The following PTPRE variants were observed in gnomAD, a reference collection of about 807,000 sequenced individuals.
PTPRE encodes receptor-type tyrosine-protein phosphatase epsilon.
In PTPRE, 51 loss-of-function variants were observed where a neutral mutation model predicts 102.0. That is an observed-to-expected ratio of 0.50 (90% CI 0.40 to 0.63). The LOEUF (loss-of-function observed/expected upper bound fraction) is 0.63, where lower values mean the gene tolerates loss of function less well. Ranked by LOEUF, PTPRE falls within the 30% of genes least tolerant of loss-of-function variation. The probability of loss-of-function intolerance (pLI) is 0.00; values close to 1 mark genes in which losing one functional copy is unlikely to be tolerated. For missense variants in PTPRE, 752 were observed against 915.1 expected (o/e 0.82, Z 2.30); for synonymous variants, 345 against 348.2 (o/e 0.99, Z 0.10).
At chr10:127,988,629 A>G (rs931966330) in intron 2 of PTPRE, among the ~76,000 whole-genome samples, 2 of 152,168 alleles carry the variant, frequency 1.3e-5, no homozygotes, top group African/African-American at 2.4e-5. Context: ...AAAGCTGCTC[A>G]TACACATGAA....
intron 11 of PTPRE, among the ~76,000 whole-genome samples, chr10:128,067,709 C>T (rs1850386974): frequency 6.6e-6 from 1 of 152,232 alleles, no homozygotes; most frequent in African/African-American, 2.4e-5. Context: ...ATCATCTGTC[C>T]TCCCAAATGT....
At chr10:127,964,166 G>GTTTA (rs1019373890) in intron 1 of PTPRE, among the ~76,000 whole-genome samples, 38 of 152,014 alleles carry the variant, frequency 2.5e-4, no homozygotes, top group African/African-American at 5.5e-4. Flanking sequence ...TTTATTTATT[G>GTTTA]TTTATTTATT....
intron 2 of PTPRE, among the ~76,000 whole-genome samples, chr10:128,014,009 C>T (rs550602932): frequency 2.0e-5 from 3 of 152,310 alleles, no homozygotes; most frequent in South Asian, 4.1e-4. Context: ...TGTGCCCCTA[C>T]CTCTGCCATT....
chr10:127,951,778 G>A (rs1482751511), intron 1 of PTPRE, among the ~76,000 whole-genome samples: 1 of 152,236 alleles, frequency 6.6e-6, no homozygotes, highest in African/African-American at 2.4e-5. Flanking sequence ...GCAGAGATTA[G>A]TGCCACCATC....
intron 1 of PTPRE, among the ~76,000 whole-genome samples, chr10:127,953,864 T>G (rs950533808): frequency 6.6e-6 from 1 of 152,172 alleles, no homozygotes; most frequent in African/African-American, 2.4e-5. Context: ...GCACTTTGCT[T>G]GGAAGGAGAA....
intron 1 of PTPRE, among the ~76,000 whole-genome samples, chr10:127,968,260 T>C (rs1327562): frequency 0.093 from 14,151 of 152,214 alleles, 744 homozygotes; most frequent in South Asian, 0.14. Context: ...ACTCCAGGCT[T>C]GAGTAAACAA....
rs1476869011 is a variant in PTPRE, at chr10:127,985,267, G to A, written c.-8+2971G>A. 2.6e-5 allele frequency among the ~76,000 whole-genome samples: 4 copies of A among 152,340 alleles called. No homozygotes were observed. In the East Asian group the frequency reaches 7.7e-4, roughly 29 times the overall value. ...TGTGATGTGACATTTAAGTGAGATG[G>A]CCCAAAGTAAGCATTTAATAAAAGC... On this transcript the variant is annotated intron_variant, in intron 2 of 20. Coordinates refer to ENST00000254667, the MANE Select transcript of PTPRE (RefSeq NM_006504.6).
In PTPRE at chr10:127,995,841, ACACACACACACACACG is replaced by A. The variant is rs146745483; in HGVS notation, c.-8+13549_-8+13564del. ...TACACGAGCACACACACACACACAC[ACACACACACACACACG>A]CACGCAAAGTATTGGAGACCACCTT... On this transcript the variant is annotated intron_variant, in intron 2 of 20. Coordinates refer to ENST00000254667, the MANE Select transcript of PTPRE (RefSeq NM_006504.6). 9.2e-3 allele frequency among the ~76,000 whole-genome samples: 1,400 copies of A among 152,004 alleles called. 26 individuals are homozygous for A. Among genetic ancestry groups the A allele is most frequent in the African/African-American group, 0.032 (1,342 of 41,444 alleles).
At position 128,056,208 on chromosome 10, in the gene PTPRE, T is replaced by C. The variant is rs893583552; in HGVS notation, c.506T>C (p.Leu169Pro). The C allele has an allele frequency of 5.0e-6, 8 of 1,601,100 alleles. No homozygotes were observed. Among genetic ancestry groups the C allele is most frequent in the Non-Finnish European group, 6.8e-6 (8 of 1,168,334 alleles). Residue 169 changes from leucine to proline, a missense_variant, in exon 7 of 21, where the codon CTT becomes CCT. Around this residue, in one of 2 missense-constraint regions of PTPRE, gnomAD observed 636 missense variants for 824.4 expected, o/e 0.77. Coordinates refer to ENST00000254667, the MANE Select transcript of PTPRE (RefSeq NM_006504.6). ...NREKNRYPNI[L>P]PNDHSRVILS... Reference sequence around the variant, plus strand: ...GAAAAAAACAGATATCCCAACATCCTTCCCAGTAAGATTTTATTTTATGTT... The same window carrying C: ...GAAAAAAACAGATATCCCAACATCCCTCCCAGTAAGATTTTATTTTATGTT...
chr10:127,950,862 C>T (rs1042431210), intron 1 of PTPRE, among the ~76,000 whole-genome samples: 1 of 151,838 alleles, frequency 6.6e-6, no homozygotes, highest in Admixed American at 6.6e-5. Flanking sequence ...TTTGGGAGGC[C>T]GAGGCGGGCA....
chr10:128,011,585 G>A (rs747458474), intron 2 of PTPRE, among the ~76,000 whole-genome samples: 14 of 152,260 alleles, frequency 9.2e-5, no homozygotes, highest in Non-Finnish European at 2.1e-4. Context: ...CCCGTAGCCC[G>A]ACCCCATCCC....
intron 2 of PTPRE, among the ~76,000 whole-genome samples, chr10:128,014,332 C>T (rs1424833170): frequency 1.3e-5 from 2 of 152,170 alleles, no homozygotes. Context: ...TCCCAAACAA[C>T]CGGAGGAGCA....
intron 2 of PTPRE, among the ~76,000 whole-genome samples, chr10:128,001,214 ATG>A (rs1314110241): frequency 1.3e-5 from 2 of 148,888 alleles, no homozygotes. Flanking sequence ...GTGTGTGTGC[ATG>A]TGTGTGTGTG....
intron 1 of PTPRE, among the ~76,000 whole-genome samples, chr10:127,931,898 C>G (rs1488316238): frequency 6.6e-6 from 1 of 152,124 alleles, no homozygotes; most frequent in Non-Finnish European, 1.5e-5. Context: ...GGACTCATCT[C>G]CTAGCAAAAA....
intron 2 of PTPRE, among the ~76,000 whole-genome samples, chr10:128,002,085 A>G (rs372234503): frequency 1.3e-5 from 2 of 152,296 alleles, no homozygotes; most frequent in South Asian, 4.2e-4. Flanking sequence ...GGCCGTGCCG[A>G]GGCAGGACTG....
At chr10:127,949,082 C>T (rs1014618492) in intron 1 of PTPRE, among the ~76,000 whole-genome samples, 1 of 152,248 alleles carries the variant, frequency 6.6e-6, no homozygotes, top group Admixed American at 6.5e-5. Flanking sequence ...TCAATCCATC[C>T]CCTGGTTCTC....
intron 18 of PTPRE, 44 bp from the exon 19 acceptor site, chr10:128,077,573 C>G (rs775771932): frequency 1.2e-5 from 19 of 1,567,758 alleles, no homozygotes; most frequent in Non-Finnish European, 1.6e-5. Flanking sequence ...GGGGCCTGTT[C>G]CCCGGCAGGC....
At chr10:128,014,832 C>A (rs546798618) in intron 2 of PTPRE, among the ~76,000 whole-genome samples, 2 of 152,126 alleles carry the variant, frequency 1.3e-5, no homozygotes, top group African/African-American at 4.8e-5. Context: ...TGTGGCTGGG[C>A]GTCCATTTGT....
intron 1 of PTPRE, among the ~76,000 whole-genome samples, chr10:127,924,470 G>A (rs971584822): frequency 6.6e-6 from 1 of 152,046 alleles, no homozygotes; most frequent in Non-Finnish European, 1.5e-5. Context: ...AAGATCCTAC[G>A]CCTACACCTC....
Sources: allele counts gnomAD v4.1 joint callset (sites outside exome capture counted in the v4.1 genomes callset), GRCh38; gene constraint gnomAD v4.1.1; regional missense constraint gnomAD v4.1.1; transcripts MANE v1.5; gene names NCBI Gene and HGNC (gene_info 2026-07-23, HGNC 2026-07-21).